The following SVEP1 variants were observed in gnomAD, a reference collection of about 807,000 sequenced individuals.
The protein encoded by SVEP1 is sushi, von Willebrand factor type A, EGF and pentraxin domain-containing protein 1.
Under a neutral mutation model 367.3 loss-of-function variants are expected in SVEP1, and 164 were observed. That is an observed-to-expected ratio of 0.45 (90% CI 0.39 to 0.51). The LOEUF (loss-of-function observed/expected upper bound fraction) is 0.51. Among genes scored for constraint, SVEP1 ranks in the 20% least tolerant of loss-of-function variants. The probability of loss-of-function intolerance (pLI) is 0.00; values close to 1 mark genes in which losing one functional copy is unlikely to be tolerated. For missense variants in SVEP1, 4,117 were observed against 4,425.3 expected (o/e 0.93, Z 1.98); for synonymous variants, 1,666 against 1,611.6 (o/e 1.03, Z -0.81).
intron 2 of SVEP1, among the ~76,000 whole-genome samples, chr9:110,546,592 A>AG (rs1830224342): frequency 6.6e-6 from 1 of 152,198 alleles, no homozygotes. Context: ...TGCAGGAAAC[A>AG]GTGCAGTCAG....
intron 3 of SVEP1, among the ~76,000 whole-genome samples, chr9:110,521,993 A>C (rs1829882081): frequency 6.6e-6 from 1 of 152,126 alleles, no homozygotes; most frequent in Admixed American, 6.6e-5. Context: ...ATTTTTTAAA[A>C]ATTTTCTTAG....
rs200005724 is a variant in SVEP1 at position 110,472,676 on chromosome 9, CT to C, written c.2600-354del. Among the ~76,000 whole-genome samples, 21 of 152,172 alleles carry C rather than the reference CT, an allele frequency of 1.4e-4. 1 individual carries two copies. The East Asian group carries it at 4.1e-3, about 29-fold the overall frequency. ...GCAAAATTCTAGTCAATTTCTATTT[CT>C]TTGCAAGGCTTTCTCCAATCCTTTT... On this transcript the variant is annotated intron_variant, in intron 14 of 47. Coordinates refer to ENST00000374469, the MANE Select transcript of SVEP1 (RefSeq NM_153366.4).
rs576990744 is a variant in SVEP1 at position 110,520,289 on chromosome 9, C to T, written c.965-6183G>A. ...ATTCCCAAGGGGGAAAATTCCTCAT[C>T]CCAAACCAAGCAAAAGTTGAAAAAA... On this transcript the variant is annotated intron_variant, in intron 3 of 47. Coordinates refer to ENST00000374469, the MANE Select transcript of SVEP1 (RefSeq NM_153366.4). Among the ~76,000 whole-genome samples the T allele has an allele frequency of 5.9e-5, 9 of 152,178 alleles. No homozygotes were observed. In the East Asian group the frequency reaches 1.7e-3, roughly 29 times the overall value.
At chr9:110,426,126 C>T (rs1828249705) in intron 36 of SVEP1, among the ~76,000 whole-genome samples, 1 of 152,144 alleles carries the variant, frequency 6.6e-6, no homozygotes, top group Non-Finnish European at 1.5e-5. Context: ...CAATCAAAAG[C>T]CATTCCTGCA....
chr9:110,469,167 T>C (rs1391049400), intron 16 of SVEP1, 66 bp from the exon 17 acceptor site: 28 of 1,469,616 alleles, frequency 1.9e-5, no homozygotes, highest in African/African-American at 1.4e-4. Context: ...GGCTTTTTTT[T>C]CCTAAGACAT....
At chr9:110,541,505 T>C (rs1442894604) in intron 3 of SVEP1, among the ~76,000 whole-genome samples, 1 of 152,124 alleles carries the variant, frequency 6.6e-6, no homozygotes, top group East Asian at 1.9e-4. Context: ...TAGTCTAGCC[T>C]AGAACAGTAG....
rs1827433272 is a variant in SVEP1, at chr9:110,381,366, A to G, written c.10238-1849T>C. 4.6e-5 allele frequency among the ~76,000 whole-genome samples: 7 copies of G among 152,034 alleles called. No individual in the cohort carries two copies. In the South Asian group the frequency reaches 1.2e-3, roughly 27 times the overall value. ...TAGTGCTATAAATTTCCCTCTTAAC[A>G]CTGCTTTAACTGTGTCCCAGAGATT... On this transcript the variant is annotated intron_variant, in intron 43 of 47. Coordinates refer to ENST00000374469, the MANE Select transcript of SVEP1 (RefSeq NM_153366.4).
intron 36 of SVEP1, among the ~76,000 whole-genome samples, chr9:110,415,370 G>A (rs1828103966): frequency 6.6e-6 from 1 of 152,078 alleles, no homozygotes; most frequent in Admixed American, 6.5e-5. Flanking sequence ...TAAGCATGTG[G>A]CTTATATAAG....
At position 110,434,427 on chromosome 9, in the gene SVEP1, C is replaced by T. The variant is rs1034471055; in HGVS notation, c.4968G>A (p.Leu1656=). The change falls in exon 30 of 48, where the codon CTG becomes CTA. Residue 1656 remains leucine (L), a synonymous_variant. Transcript: ENST00000374469. ...CCAGCTGGAAGCCTGGATCACAGAACAGATTGACTTTGGAACCTGGCTTTA... is the reference window on the plus strand; with the variant it reads ...CCAGCTGGAAGCCTGGATCACAGAATAGATTGACTTTGGAACCTGGCTTTA... ...EDLKPGSKVN[L]FCDPGFQLVG... 5.0e-6 allele frequency: 8 copies of T among 1,613,534 alleles called. No homozygotes were observed. Among genetic ancestry groups the T allele is most frequent in the Non-Finnish European group, 6.8e-6 (8 of 1,179,752 alleles).
At chr9:110,396,181 A>G (rs1827755288) in intron 40 of SVEP1, among the ~76,000 whole-genome samples, 1 of 152,218 alleles carries the variant, frequency 6.6e-6, no homozygotes, top group African/African-American at 2.4e-5. Flanking sequence ...ACTAGAACTC[A>G]GTATTAAGAA....
In SVEP1 at chr9:110,570,802, A is replaced by G. The variant is rs180699757; in HGVS notation, c.531+8211T>C. On this transcript the variant is annotated intron_variant, in intron 1 of 47. Transcript: ENST00000374469. ...AAATGAGTTGCTTAGGAACTCTGAT[A>G]ATTTTTACTAAAAGAAGCATCATCT... Among the ~76,000 whole-genome samples, 188 of 152,020 alleles carry G rather than the reference A, an allele frequency of 1.2e-3. 3 individuals carry two copies. Among genetic ancestry groups the G allele is most frequent in the African/African-American group, 4.3e-3 (177 of 41,478 alleles).
At chr9:110,495,129 T>C (rs1829426517) in intron 8 of SVEP1, among the ~76,000 whole-genome samples, 1 of 152,214 alleles carries the variant, frequency 6.6e-6, no homozygotes, top group African/African-American at 2.4e-5. Context: ...AATTGCCCCC[T>C]CTTTTCCTTG....
intron 10 of SVEP1, among the ~76,000 whole-genome samples, chr9:110,483,172 G>GT (rs915783992): frequency 6.6e-6 from 1 of 152,056 alleles, no homozygotes; most frequent in South Asian, 2.1e-4. Flanking sequence ...TATTTGCTTA[G>GT]TTTTTTTCTA....
rs1487091853 is a variant in SVEP1, at chr9:110,472,324, C to A, written c.2600-1G>T. ...TTAGCTGCACCCCAGCCACCTGGTC[C>A]TGGATAGTCGGGGCAGAGACACAAA... On this transcript the variant is annotated splice_acceptor_variant, in intron 14 of 47. Coordinates refer to ENST00000374469, the MANE Select transcript of SVEP1 (RefSeq NM_153366.4). LOFTEE classifies it high-confidence loss of function. 2 of 1,577,986 alleles carry A rather than the reference C, an allele frequency of 1.3e-6. No individual in the cohort carries two copies. Among genetic ancestry groups the A allele is most frequent in the African/African-American group, 2.8e-5 (2 of 72,510 alleles).
chr9:110,401,021 A>G lies in SVEP1; in HGVS notation c.9667-12T>C, dbSNP rs1296574170. 6 of 1,612,530 alleles carry G rather than the reference A, an allele frequency of 3.7e-6. No individual in the cohort carries two copies. The East Asian group carries it at 6.7e-5, about 18-fold the overall frequency. On this transcript the variant is annotated splice_polypyrimidine_tract_variant and intron_variant, in intron 39 of 47. Transcript: ENST00000374469. Reference sequence around the variant, plus strand: ...CAGGTTCCATCAAGCTAAGTGACAAATAACAAAATGTAAGTTATGTTTAGA... The same window carrying G: ...CAGGTTCCATCAAGCTAAGTGACAAGTAACAAAATGTAAGTTATGTTTAGA...
chr9:110,493,221 G>T (rs550317335), intron 8 of SVEP1, among the ~76,000 whole-genome samples: 130 of 152,120 alleles, frequency 8.5e-4, no homozygotes, highest in African/African-American at 2.8e-3. Flanking sequence ...TGGGGAGGGG[G>T]TGGTGCTTCT....
In SVEP1 at chr9:110,404,430, G is replaced by A. The variant is rs2118483469; in HGVS notation, c.9563C>T (p.Thr3188Ile). 1 of 1,613,974 alleles carries A rather than the reference G, an allele frequency of 6.2e-7. No individual in the cohort carries two copies. Among genetic ancestry groups the A allele is most frequent in the East Asian group, 2.2e-5 (1 of 44,878 alleles). The change falls in exon 39 of 48, where the codon ACA (threonine) becomes ATA (isoleucine). Residue 3188 changes from threonine (T) to isoleucine (I), a missense_variant. Thr to Ile is a moderately conservative substitution (Grantham distance 89). This residue lies in a region of SVEP1 where 1,765 missense variants were observed against 1,781.1 expected (regional missense o/e 0.99). Coordinates refer to ENST00000374469, the MANE Select transcript of SVEP1 (RefSeq NM_153366.4). ...ATCGTCCCCATGTACAAGTATATGT[G>A]TTATGTTTTCCGGGAGAGGACATTT... is the stretch of plus-strand genomic sequence containing the variant. ...PKKCPLPENI[T>I]HILVHGDDFS...
At position 110,376,995 on chromosome 9, in the gene SVEP1, TACA is replaced by T. The variant is rs201805436; in HGVS notation, c.10504+273_10504+275del. 988 of 307,742 alleles carry T rather than the reference TACA, an allele frequency of 3.2e-3. 6 individuals are homozygous for T. The highest frequency in any genetic ancestry group is 0.019 in the African/African-American group (904 of 48,216). The allele number at this position is 307,742 out of a possible 1,614,324, so 19.1% of individuals were successfully genotyped here. A position where few individuals can be genotyped will look rare whatever the true frequency, so the allele number is the denominator to read the frequency against. Reference sequence around the variant, plus strand: ...AGGGAAGAGGATAGCTTGGAGACTTTACAACAAGCTCCTTCTCAAGAAGACTTT... The same window carrying T: ...AGGGAAGAGGATAGCTTGGAGACTTTACAAGCTCCTTCTCAAGAAGACTTT... On this transcript the variant is annotated intron_variant, in intron 45 of 47. Transcript: ENST00000374469.
At chr9:110,561,642 T>C (rs184194240) in intron 1 of SVEP1, among the ~76,000 whole-genome samples, 8 of 152,336 alleles carry the variant, frequency 5.3e-5, no homozygotes, top group African/African-American at 1.4e-4. Flanking sequence ...TGAGCATCTA[T>C]CATATACCAG....
Sources: allele counts gnomAD v4.1 joint callset (sites outside exome capture counted in the v4.1 genomes callset), GRCh38; gene constraint gnomAD v4.1.1; regional missense constraint gnomAD v4.1.1; transcripts MANE v1.5; gene names NCBI Gene and HGNC (gene_info 2026-07-23, HGNC 2026-07-21).